Variants in CHL1 observed in about 807,000 individuals in gnomAD.
The protein encoded by CHL1 is neural cell adhesion molecule L1-like protein.
In CHL1, 96 loss-of-function variants were observed where a neutral mutation model predicts 141.9. The observed-to-expected ratio is 0.68, with a 90% CI of 0.57 to 0.80. The LOEUF (loss-of-function observed/expected upper bound fraction) is 0.80. Ranked by LOEUF, CHL1 falls within the 30% of genes least tolerant of loss-of-function variation. The pLI is 0.00. For missense variants in CHL1, 1,820 were observed against 1,457.2 expected (o/e 1.25, Z -4.05); for synonymous variants, 613 against 502.2 (o/e 1.22, Z -2.95).
chr3:384,072 C>T (rs1313563678), intron 19 of CHL1, among the ~76,000 whole-genome samples, 186 bp downstream of exon 19: 4 of 152,060 alleles, frequency 2.6e-5, no homozygotes, highest in East Asian at 1.9e-4. Flanking sequence ...GTTATGAAAT[C>T]GAGTTTAACA....
intron 5 of CHL1, among the ~76,000 whole-genome samples, chr3:332,817 A>C (rs1252263368): frequency 6.6e-6 from 1 of 152,182 alleles, no homozygotes; most frequent in Non-Finnish European, 1.5e-5. Context: ...AAGACCAGAG[A>C]AAAGGACAGA....
At chr3:313,219 C>A (rs1188513665) in intron 2 of CHL1, among the ~76,000 whole-genome samples, 1 of 152,156 alleles carries the variant, frequency 6.6e-6, no homozygotes, top group Non-Finnish European at 1.5e-5. Flanking sequence ...CTTTTGTTCA[C>A]TGAATTTGCT....
intron 15 of CHL1, among the ~76,000 whole-genome samples, chr3:372,472 C>T (rs987133397): frequency 2.0e-5 from 3 of 152,102 alleles, no homozygotes; most frequent in African/African-American, 7.2e-5. Context: ...CATTTATATT[C>T]CTCTCTGAAA....
intron 7 of CHL1, 63 bp from the exon 8 acceptor site, chr3:342,921 T>G (rs923099676): frequency 5.2e-6 from 7 of 1,340,732 alleles, no homozygotes; most frequent in Non-Finnish European, 7.2e-6. Flanking sequence ...GACTTTTCAT[T>G]CTTTATTGAT....
At chr3:389,122 G>C in intron 19 of CHL1, 130 bp from the exon 20 acceptor site, 1 of 738,422 alleles carries the variant, frequency 1.4e-6, no homozygotes. Flanking sequence ...AACCAAGAAG[G>C]GGGATTTAAG....
chr3:361,547 AT>A (rs1704252517), intron 12 of CHL1, 151 bp from the exon 13 acceptor site: 3 of 526,548 alleles, frequency 5.7e-6, no homozygotes, highest in Non-Finnish European at 1.0e-5. Flanking sequence ...TCAAAAATGT[AT>A]TGAATTGGGA....
Position 354,552 on chromosome 3 carries a change from C to T in CHL1, c.1034-88C>T, listed in dbSNP as rs1703541637. 3 of 1,441,918 alleles carry T rather than the reference C, an allele frequency of 2.1e-6. No individual in the cohort carries two copies. The African/African-American group carries it at 4.3e-5, about 21-fold the overall frequency. 89.3% of individuals were successfully genotyped at this position (1,441,918 alleles called of 1,614,324 possible). On this transcript the variant is annotated intron_variant, in intron 10 of 27. Transcript: ENST00000256509. ...AACCCTTTGTGGTGTCTGCCCTCTG[C>T]TGGTGCAAAGTAGAAATACAGGCCT...
intron 11 of CHL1, among the ~76,000 whole-genome samples, chr3:358,757 T>C (rs1703941668): frequency 6.6e-6 from 1 of 151,876 alleles, no homozygotes; most frequent in Admixed American, 6.6e-5. Context: ...GTGTAAGTCT[T>C]TTATTTCAAT....
At position 351,139 on chromosome 3, in the gene CHL1, T is replaced by G. The variant is rs574268882; in HGVS notation, c.1033+1596T>G. ...TTTAACAATCTGGCCACAGTTTTCT[T>G]GACTATAAAACCAAACCTTTCAAAA... is the stretch of plus-strand genomic sequence containing the variant. On this transcript the variant is annotated intron_variant, in intron 10 of 27. Coordinates refer to ENST00000256509, the MANE Select transcript of CHL1 (RefSeq NM_006614.4). Among the ~76,000 whole-genome samples the G allele has an allele frequency of 2.0e-4, 30 of 152,286 alleles. No individual in the cohort carries two copies. The East Asian group carries it at 5.4e-3, about 27-fold the overall frequency.
At chr3:220,285 T>C (rs1196024783) in intron 1 of CHL1, among the ~76,000 whole-genome samples, 1 of 152,176 alleles carries the variant, frequency 6.6e-6, no homozygotes, top group East Asian at 1.9e-4. Flanking sequence ...GTATGTAAAT[T>C]AAACCTTCAA....
At chr3:243,525 T>A (rs1692869811) in intron 1 of CHL1, among the ~76,000 whole-genome samples, 1 of 152,146 alleles carries the variant, frequency 6.6e-6, no homozygotes, top group Non-Finnish European at 1.5e-5. Context: ...GTGCAGTGTG[T>A]CACTTGGTCA....
chr3:296,622 A>T (rs910596530), intron 2 of CHL1, among the ~76,000 whole-genome samples: 1 of 152,202 alleles, frequency 6.6e-6, no homozygotes, highest in African/African-American at 2.4e-5. Context: ...TTTTGGACTC[A>T]TTGCAGCAGC....
At chr3:398,631 T>C (rs1708869923) in intron 25 of CHL1, among the ~76,000 whole-genome samples, 2 of 152,202 alleles carry the variant, frequency 1.3e-5, no homozygotes, top group African/African-American at 4.8e-5. Flanking sequence ...AATTAACATA[T>C]CTTAATAACA....
intron 9 of CHL1, among the ~76,000 whole-genome samples, chr3:346,769 AG>A (rs1305040490): frequency 6.6e-6 from 1 of 152,150 alleles, no homozygotes; most frequent in Non-Finnish European, 1.5e-5. Flanking sequence ...ATTTTTAAAA[AG>A]TTTTTTGGGT....
intron 9 of CHL1, among the ~76,000 whole-genome samples, chr3:348,286 A>G (rs903402883): frequency 6.6e-6 from 1 of 152,208 alleles, no homozygotes; most frequent in African/African-American, 2.4e-5. Context: ...TTAAATGATC[A>G]CAATAATATG....
chr3:335,598 G>A, intron 5 of CHL1, among the ~76,000 whole-genome samples: 1 of 152,178 alleles, frequency 6.6e-6, no homozygotes, highest in East Asian at 1.9e-4. Context: ...AGCTCACCAG[G>A]CCAGTCCTGT....
chr3:365,942 A>G lies in CHL1; in HGVS notation c.1586-8A>G. 1 of 1,609,178 alleles carries G rather than the reference A, an allele frequency of 6.2e-7. No homozygotes were observed. Among genetic ancestry groups the G allele is most frequent in the Non-Finnish European group, 8.5e-7 (1 of 1,176,858 alleles). On this transcript the variant is annotated splice_region_variant and splice_polypyrimidine_tract_variant and intron_variant, in intron 14 of 27. Coordinates refer to ENST00000256509, the MANE Select transcript of CHL1 (RefSeq NM_006614.4). ...GTTCTAACTAATATCTTTGTTTGGT[A>G]AAAACAGATGCTACAAAACTTAGAG... is the stretch of plus-strand genomic sequence containing the variant.
At chr3:305,941 A>AAAACAC (rs1699190107) in intron 2 of CHL1, among the ~76,000 whole-genome samples, 1 of 152,196 alleles carries the variant, frequency 6.6e-6, no homozygotes, top group Non-Finnish European at 1.5e-5. Context: ...TATTGGAATC[A>AAAACAC]AAACACATAA....
At chr3:287,060 A>G (rs1031253240) in intron 2 of CHL1, among the ~76,000 whole-genome samples, 1 of 152,030 alleles carries the variant, frequency 6.6e-6, no homozygotes, top group Non-Finnish European at 1.5e-5. Context: ...TAGAATACCC[A>G]TCCTTCTGGG....
Sources: allele counts gnomAD v4.1 joint callset (sites outside exome capture counted in the v4.1 genomes callset), GRCh38; gene constraint gnomAD v4.1.1; transcripts MANE v1.5; gene names NCBI Gene and HGNC (gene_info 2026-07-23, HGNC 2026-07-21).